RAD51B: variants seen among roughly 807,000 people sequenced by gnomAD.
RAD51B encodes RAD51 paralog B.
A neutral mutation model predicts 42.2 loss-of-function variants in RAD51B; 38 were observed. That is an observed-to-expected ratio of 0.90 (90% CI 0.70 to 1.18). RAD51B has a LOEUF of 1.18. Among genes scored for constraint, RAD51B ranks in the 50% most tolerant of loss-of-function variants. The probability of loss-of-function intolerance (pLI) is 0.00; values close to 1 mark genes in which losing one functional copy is unlikely to be tolerated. For synonymous variants in RAD51B, 154 were observed against 145.2 expected (o/e 1.06, Z -0.43); for missense variants, 373 against 400.7 (o/e 0.93, Z 0.59).
intron 8 of RAD51B, among the ~76,000 whole-genome samples, chr14:68,396,395 T>C (rs978635268): frequency 4.6e-5 from 7 of 152,242 alleles, no homozygotes; most frequent in African/African-American, 1.7e-4. Flanking sequence ...TGCTGGTTCA[T>C]TTTTTCATTG....
intron 10 of RAD51B, among the ~76,000 whole-genome samples, chr14:68,501,514 G>C (rs1404083490): frequency 1.3e-5 from 2 of 152,226 alleles, no homozygotes; most frequent in Admixed American, 6.5e-5. Context: ...AGCTACCTTA[G>C]ATGTCCAGCC....
chr14:68,261,400 G>C (rs989825873), intron 7 of RAD51B, among the ~76,000 whole-genome samples: 2 of 152,196 alleles, frequency 1.3e-5, no homozygotes, highest in African/African-American at 2.4e-5. Context: ...AGCCTATTTA[G>C]AAGTGTGCGA....
chr14:67,918,042 A>T (rs2044211657), intron 7 of RAD51B, among the ~76,000 whole-genome samples: 1 of 152,194 alleles, frequency 6.6e-6, no homozygotes, highest in South Asian at 2.1e-4. Context: ...ACAGAATGTG[A>T]TAGAAAAAAA....
chr14:68,580,634 T>C (rs1407588731), intron 10 of RAD51B, among the ~76,000 whole-genome samples: 2 of 152,318 alleles, frequency 1.3e-5, no homozygotes, highest in East Asian at 3.9e-4. Flanking sequence ...GTAGCCCTTC[T>C]TGAACCCCTG....
Position 68,326,027 on chromosome 14 carries a change from C to CTTTTTTTTTTTTTTTTTTTTTTTTTT in RAD51B, c.853+34052_853+34053insTTTTTTTTTTTTTTTTTTTTTTTTTT, listed in dbSNP as rs1156621815. ...ATACTAATTGAATAATGTTGTTATT[C>CTTTTTTTTTTTTTTTTTTTTTTTTTT]TTTTTCTTTTCTTTTTTTTTTTTTT... On this transcript the variant is annotated intron_variant, in intron 8 of 10. Coordinates refer to ENST00000471583, the MANE Select transcript of RAD51B (RefSeq NM_133510.4). Among the ~76,000 whole-genome samples the CTTTTTTTTTTTTTTTTTTTTTTTTTT allele has an allele frequency of 3.9e-5, 2 of 51,636 alleles. 1 individual carries two copies. 33.9% of individuals were successfully genotyped at this position (51,636 alleles called of 152,430 possible).
chr14:68,572,756 C>G (rs1889771310), intron 10 of RAD51B, among the ~76,000 whole-genome samples: 1 of 152,184 alleles, frequency 6.6e-6, no homozygotes, highest in Admixed American at 6.5e-5. Context: ...ATATGCTCTT[C>G]CCCTGCTGAC....
intron 9 of RAD51B, among the ~76,000 whole-genome samples, chr14:68,461,193 G>A (rs924138764): frequency 5.3e-4 from 80 of 152,214 alleles, no homozygotes; most frequent in African/African-American, 1.9e-3. Context: ...TTCTGGAAGA[G>A]GTGACATTTG....
intron 7 of RAD51B, among the ~76,000 whole-genome samples, chr14:68,056,170 TG>T (rs2076471034): frequency 6.6e-6 from 1 of 152,156 alleles, no homozygotes; most frequent in African/African-American, 2.4e-5. Context: ...TCTTTTGTTT[TG>T]TTTTTGAGAC....
intron 7 of RAD51B, among the ~76,000 whole-genome samples, chr14:68,249,930 G>A (rs2080585434): frequency 6.6e-6 from 1 of 152,242 alleles, no homozygotes; most frequent in South Asian, 2.1e-4. Flanking sequence ...CCGCCATAGT[G>A]AGGCTTTGAA....
At chr14:68,379,586 T>C (rs562765284) in intron 8 of RAD51B, among the ~76,000 whole-genome samples, 1 of 152,294 alleles carries the variant, frequency 6.6e-6, no homozygotes, top group African/African-American at 2.4e-5. Context: ...GACAGAGGTA[T>C]GTGAAGATTA....
chr14:68,101,029 T>C (rs1258971450), intron 7 of RAD51B, among the ~76,000 whole-genome samples: 1 of 152,172 alleles, frequency 6.6e-6, no homozygotes, highest in East Asian at 1.9e-4. Context: ...CTTCTTCACA[T>C]GGTGGCAGGA....
chr14:68,598,533 T>C (rs1891093584), downstream of RAD51B, among the ~76,000 whole-genome samples: 1 of 152,236 alleles, frequency 6.6e-6, no homozygotes, highest in Admixed American at 6.5e-5. Flanking sequence ...ATTTAGTGTG[T>C]AGCAGATCCA....
intron 7 of RAD51B, among the ~76,000 whole-genome samples, chr14:68,246,890 C>A (rs574592427): frequency 6.6e-6 from 1 of 152,086 alleles, no homozygotes; most frequent in Non-Finnish European, 1.5e-5. Flanking sequence ...TGTTTTAGCC[C>A]GCAGTGGTTT....
intron 8 of RAD51B, among the ~76,000 whole-genome samples, chr14:68,368,964 A>G (rs1260477643): frequency 6.6e-6 from 1 of 152,170 alleles, no homozygotes; most frequent in Non-Finnish European, 1.5e-5. Flanking sequence ...GAATCTGGTT[A>G]TGGTCGTTGT....
chr14:68,270,767 CA>C (rs773960904), intron 7 of RAD51B, among the ~76,000 whole-genome samples: 64 of 152,262 alleles, frequency 4.2e-4, no homozygotes, highest in Admixed American at 7.2e-4. Flanking sequence ...ATACAGCTAC[CA>C]ACCTTACCAT....
At chr14:67,940,320 A>G (rs2045152732) in intron 7 of RAD51B, among the ~76,000 whole-genome samples, 1 of 151,272 alleles carries the variant, frequency 6.6e-6, no homozygotes, top group Non-Finnish European at 1.5e-5. Flanking sequence ...GTGATCCACC[A>G]CCTGCCTTGG....
At chr14:67,997,187 A>G (rs1315069145) in intron 7 of RAD51B, among the ~76,000 whole-genome samples, 2 of 152,210 alleles carry the variant, frequency 1.3e-5, no homozygotes, top group Non-Finnish European at 2.9e-5. Flanking sequence ...GTTGTATGAA[A>G]ATACATAGTA....
chr14:68,182,521 G>T (rs558075358), intron 7 of RAD51B, among the ~76,000 whole-genome samples: 3 of 152,150 alleles, frequency 2.0e-5, no homozygotes, highest in Non-Finnish European at 4.4e-5. Context: ...TGACTTGAAG[G>T]TCAGACCATC....
chr14:67,943,437 T>A (rs2045275797), intron 7 of RAD51B, among the ~76,000 whole-genome samples: 1 of 152,164 alleles, frequency 6.6e-6, no homozygotes, highest in Admixed American at 6.6e-5. Context: ...CCTACATTTT[T>A]GTAAAGAAAA....
Sources: allele counts gnomAD v4.1 joint callset (sites outside exome capture counted in the v4.1 genomes callset), GRCh38; gene constraint gnomAD v4.1.1; transcripts MANE v1.5; gene names NCBI Gene and HGNC (gene_info 2026-07-23, HGNC 2026-07-21).